Variants in NUP133 observed in about 807,000 individuals in gnomAD.
NUP133 encodes nucleoporin 133.
Under a neutral mutation model 146.2 loss-of-function variants are expected in NUP133, and 66 were observed. The observed-to-expected ratio is 0.45, with a 90% CI of 0.37 to 0.55. The LOEUF (loss-of-function observed/expected upper bound fraction) is 0.55, where lower values mean the gene tolerates loss of function less well. Among genes scored for constraint, NUP133 ranks in the 20% least tolerant of loss-of-function variants. NUP133 has a pLI of 0.00. For synonymous variants in NUP133, 521 were observed against 498.8 expected (o/e 1.04, Z -0.59); for missense variants, 1,277 against 1,374.8 (o/e 0.93, Z 1.12).
intron 12 of NUP133, among the ~76,000 whole-genome samples, chr1:229,478,908 T>G (rs1661142532): frequency 6.6e-6 from 1 of 151,864 alleles, no homozygotes; most frequent in African/African-American, 2.4e-5. Flanking sequence ...AAGAGAAAAA[T>G]CCAGTTAGGA....
In NUP133 at chr1:229,490,083, C is replaced by T. The variant is rs1180783118; in HGVS notation, c.1066G>A (p.Ala356Thr). ...KQNCDGLVIL[A>T]AAWHSADNPC... is the part of the protein sequence containing the mutation. ...TTGTCTGCTGAGTGCCATGCTGCTG[C>T]CAAAATCACCAGCCCATCACTAATC... Residue 356 changes from alanine to threonine, a missense_variant, in exon 9 of 26, where the codon GCA becomes ACA. Physicochemically the swap from Ala to Thr is moderately conservative, Grantham distance 58 (BLOSUM62 0). Transcript: ENST00000261396. 1.3e-6 allele frequency: 2 copies of T among 1,588,360 alleles called. No individual in the cohort carries two copies. Among genetic ancestry groups the T allele is most frequent in the Admixed American group, 1.7e-5 (1 of 58,448 alleles).
At chr1:229,448,384 C>T (rs73112278) in intron 24 of NUP133, among the ~76,000 whole-genome samples, 6,890 of 152,102 alleles carry the variant, frequency 0.045, 472 homozygotes, top group African/African-American at 0.15. Context: ...GTCAAGATCG[C>T]ACCACTGCAC....
rs576319343 is a variant in NUP133, at chr1:229,458,186, C to G, written c.2955G>C (p.Glu985Asp). The change falls in exon 21 of 26, where the codon GAG becomes GAC. Residue 985 changes from glutamate (E) to aspartate (D), a missense_variant. Glu to Asp is a conservative substitution (Grantham distance 45). Transcript: ENST00000261396. ...KLAALASDFS[E>D]DMLQEKIEEM... ...CTTCAATTTTTTCTTGTAGCATATC[C>G]TCTGAAAAGTCTGAAGCTAATGCAG... The G allele has an allele frequency of 1.2e-5, 20 of 1,612,872 alleles. No homozygotes were observed. The highest frequency in any genetic ancestry group is 1.7e-5 in the Non-Finnish European group (20 of 1,179,394).
rs776423223 is a variant in NUP133 at position 229,484,126 on chromosome 1, G to A, written c.1520C>T (p.Thr507Ile). 41 of 1,612,586 alleles carry A rather than the reference G, an allele frequency of 2.5e-5. No homozygotes were observed. In the Admixed American group the frequency reaches 6.7e-4, roughly 26 times the overall value. Residue 507 changes from threonine (T) to isoleucine (I), a missense_variant, in exon 12 of 26, where the codon ACT (threonine) becomes ATT (isoleucine). Physicochemically the swap from Thr to Ile is moderately conservative, Grantham distance 89. Coordinates refer to ENST00000261396, the MANE Select transcript of NUP133 (RefSeq NM_018230.3). Reference protein sequence around the residue: ...PNSESMIFETTTKNETIAQED... With the variant: ...PNSESMIFETITKNETIAQED... Reference sequence around the variant, plus strand: ...CTGGGCTATAGTTTCATTCTTTGTAGTGGTCTCAAAAATCATACTCTGCAA... The same window carrying A: ...CTGGGCTATAGTTTCATTCTTTGTAATGGTCTCAAAAATCATACTCTGCAA...
rs1660169328 is a variant in NUP133 at position 229,440,929 on chromosome 1, T to A, written c.*975A>T. The A allele has an allele frequency of 6.5e-6, 1 of 154,240 alleles. No individual in the cohort carries two copies. The highest frequency in any genetic ancestry group is 6.4e-5 in the Admixed American group (1 of 15,558). The allele number at this position is 154,240 out of a possible 1,614,324, so 9.6% of individuals were successfully genotyped here. On this transcript the variant is annotated 3_prime_UTR_variant, in exon 26 of 26. Transcript: ENST00000261396. Reference sequence around the variant, plus strand: ...ATGTTTAACTTCTGACCTTTTCAGCTGCTGGAGCAAGATGGTTAGTGGGCA... The same window carrying A: ...ATGTTTAACTTCTGACCTTTTCAGCAGCTGGAGCAAGATGGTTAGTGGGCA...
chr1:229,498,331 G>T (rs1661706791), intron 5 of NUP133, 25 bp from the exon 6 acceptor site: 1 of 1,524,304 alleles, frequency 6.6e-7, no homozygotes, highest in African/African-American at 1.4e-5. Context: ...TATGAGGTTA[G>T]TTCAGTTTAG....
chr1:229,463,712 TA>T, intron 18 of NUP133, 36 bp from the exon 19 acceptor site: 1 of 1,556,608 alleles, frequency 6.4e-7, no homozygotes, highest in Non-Finnish European at 8.6e-7. Context: ...AAAATCCTGT[TA>T]GCAAAACTTA....
chr1:229,451,562 C>G (rs11812017), intron 22 of NUP133, among the ~76,000 whole-genome samples: 2,551 of 152,226 alleles, frequency 0.017, 72 homozygotes, highest in African/African-American at 0.058. Context: ...TTTTTATGGT[C>G]AGAAAAATAC....
At chr1:229,495,796 C>T (rs895813766) in intron 7 of NUP133, 96 bp downstream of exon 7, 20 of 1,125,456 alleles carry the variant, frequency 1.8e-5, no homozygotes, top group Non-Finnish European at 2.4e-5. Context: ...GTTTATTACA[C>T]TGAAATGTGT....
rs1052316669 is a variant in NUP133, at chr1:229,463,731, T to C, written c.2552-55A>G. The C allele has an allele frequency of 2.0e-6, 3 of 1,505,538 alleles. No individual in the cohort carries two copies. The Admixed American group carries it at 7.2e-5, about 36-fold the overall frequency. The allele number at this position is 1,505,538 out of a possible 1,614,324, so 93.3% of individuals were successfully genotyped here. ...TCCTGTTAGCAAAACTTAAAATCTG[T>C]AATAAAAAATGTTACTTGAAATTTT... On this transcript the variant is annotated intron_variant, in intron 18 of 25. Transcript: ENST00000261396.
chr1:229,479,518 G>A (rs1440068506), intron 12 of NUP133, among the ~76,000 whole-genome samples: 1 of 152,094 alleles, frequency 6.6e-6, no homozygotes, highest in Non-Finnish European at 1.5e-5. Context: ...TATCCACTGG[G>A]GGTCTTAAGA....
chr1:229,466,761 G>T lies in NUP133; in HGVS notation c.2077-5C>A, dbSNP rs1660836708. 6.2e-7 allele frequency: 1 copy of T among 1,613,788 alleles called. No individual in the cohort carries two copies. Among genetic ancestry groups the T allele is most frequent in the East Asian group, 2.2e-5 (1 of 44,854 alleles). ...GATGGTATCTACTTGGGATACCTGA[G>T]AGAATACACAGAAGTAAACTACTTA... On this transcript the variant is annotated splice_region_variant and splice_polypyrimidine_tract_variant and intron_variant, in intron 15 of 25. Coordinates refer to ENST00000261396, the MANE Select transcript of NUP133 (RefSeq NM_018230.3).
intron 21 of NUP133, among the ~76,000 whole-genome samples, chr1:229,455,531 A>G (rs1660541067): frequency 6.6e-6 from 1 of 152,244 alleles, no homozygotes; most frequent in South Asian, 2.1e-4. Flanking sequence ...ACTGTGCTCC[A>G]GCCTGGGCAA....
intron 14 of NUP133, among the ~76,000 whole-genome samples, chr1:229,472,508 G>T (rs1660980252): frequency 6.6e-6 from 1 of 150,860 alleles, no homozygotes; most frequent in Non-Finnish European, 1.5e-5. Context: ...CGATCACCTG[G>T]GTAATGTGTA....
chr1:229,445,246 A>T (rs183103228), intron 24 of NUP133, among the ~76,000 whole-genome samples: 3 of 152,296 alleles, frequency 2.0e-5, no homozygotes, highest in South Asian at 2.1e-4. Flanking sequence ...AAACACATTT[A>T]AAAAAAGATG....
intron 12 of NUP133, among the ~76,000 whole-genome samples, chr1:229,481,889 C>A (rs1661221062): frequency 6.6e-6 from 1 of 152,100 alleles, no homozygotes; most frequent in Non-Finnish European, 1.5e-5. Context: ...CTTCTGGCCT[C>A]CAGAACTGTG....
chr1:229,458,099 C>G, intron 21 of NUP133, 62 bp downstream of exon 21: 1 of 1,532,598 alleles, frequency 6.5e-7, no homozygotes. Flanking sequence ...ATGACAGGAA[C>G]ACATCATGAG....
At chr1:229,466,839 A>T in intron 15 of NUP133, 83 bp from the exon 16 acceptor site, 1 of 1,368,596 alleles carries the variant, frequency 7.3e-7, no homozygotes, top group South Asian at 1.3e-5. Flanking sequence ...TTACTCATTA[A>T]GCCATATCCT....
At chr1:229,447,102 C>A (rs146025063) in intron 24 of NUP133, among the ~76,000 whole-genome samples, 2,582 of 152,084 alleles carry the variant, frequency 0.017, 74 homozygotes, top group African/African-American at 0.059. Flanking sequence ...CCAGCCTGGG[C>A]AACAAGAGTG....
Sources: allele counts gnomAD v4.1 joint callset (sites outside exome capture counted in the v4.1 genomes callset), GRCh38; gene constraint gnomAD v4.1.1; transcripts MANE v1.5; gene names NCBI Gene and HGNC (gene_info 2026-07-23, HGNC 2026-07-21).